The following RGS6 variants were observed in gnomAD, a reference collection of about 807,000 sequenced individuals.
The protein encoded by RGS6 is regulator of G protein signaling 6, also known as regulator of G-protein signaling 6.
Under a neutral mutation model 78.5 loss-of-function variants are expected in RGS6, and 30 were observed. That is an observed-to-expected ratio of 0.38 (90% CI 0.29 to 0.52). The LOEUF is 0.52. RGS6 is among the 20% of genes least tolerant of loss of function. RGS6 has a pLI of 0.85. For missense variants in RGS6, 495 were observed against 609.7 expected, an observed-to-expected ratio of 0.81 and a Z score of 1.98; for synonymous variants, 206 against 206.0, an observed-to-expected ratio of 1.00 and a Z score of 0.00.
intron 2 of RGS6, among the ~76,000 whole-genome samples, chr14:72,158,980 A>G (rs1425038720): frequency 6.6e-6 from 1 of 152,210 alleles, no homozygotes; most frequent in African/African-American, 2.4e-5. Context: ...TAACAATAGC[A>G]TTTACCTCAT....
chr14:72,395,217 G>A (rs1430013355), intron 3 of RGS6, among the ~76,000 whole-genome samples: 1 of 152,064 alleles, frequency 6.6e-6, no homozygotes. Context: ...AAAGTAAAAA[G>A]AAAAGAGTAA....
intron 2 of RGS6, among the ~76,000 whole-genome samples, chr14:72,203,821 C>CTTTTTTT (rs142494669): frequency 9.4e-6 from 1 of 106,742 alleles, no homozygotes; most frequent in Non-Finnish European, 2.0e-5. Flanking sequence ...TTCTTTCTTT[C>CTTTTTTT]TTTTTTTTTT....
At chr14:72,291,989 G>A (rs762856345) in intron 2 of RGS6, among the ~76,000 whole-genome samples, 13 of 152,074 alleles carry the variant, frequency 8.5e-5, no homozygotes, top group Non-Finnish European at 1.6e-4. Context: ...ATGCCAATAC[G>A]TGTTTAAAAA....
intron 17 of RGS6, among the ~76,000 whole-genome samples, chr14:72,547,546 G>T (rs569059337): frequency 6.2e-4 from 94 of 152,346 alleles, no homozygotes; most frequent in African/African-American, 2.1e-3. Flanking sequence ...TAGCCTGTAA[G>T]ATGTTGCCCT....
chr14:72,455,131 T>C (rs991103197), intron 4 of RGS6, among the ~76,000 whole-genome samples: 1 of 147,296 alleles, frequency 6.8e-6, no homozygotes, highest in Admixed American at 7.0e-5. Context: ...TAAAATTTAT[T>C]TTCACAGTGT....
At chr14:72,429,188 C>A (rs1248989230) in intron 3 of RGS6, among the ~76,000 whole-genome samples, 2 of 152,072 alleles carry the variant, frequency 1.3e-5, no homozygotes, top group Admixed American at 6.6e-5. Context: ...GGTGGCAGAG[C>A]AAGACTCTGT....
At chr14:72,046,679 A>G (rs971972787) in intron 2 of RGS6, among the ~76,000 whole-genome samples, 1 of 145,784 alleles carries the variant, frequency 6.9e-6, no homozygotes, top group African/African-American at 2.6e-5. Context: ...TTATTCCTTC[A>G]TCTTAACTCA....
chr14:71,928,615 A>T (rs1401637879), upstream of RGS6, among the ~76,000 whole-genome samples: 1 of 152,216 alleles, frequency 6.6e-6, no homozygotes, highest in African/African-American at 2.4e-5. Context: ...TGTTCAATTT[A>T]TCACCCGTTT....
At chr14:72,382,658 C>T (rs1044345544) in intron 3 of RGS6, among the ~76,000 whole-genome samples, 5 of 152,130 alleles carry the variant, frequency 3.3e-5, no homozygotes, top group African/African-American at 9.7e-5. Context: ...CAGCATTGTT[C>T]GTAGCAGCAA....
intron 1 of RGS6, among the ~76,000 whole-genome samples, chr14:71,941,956 T>A (rs1247546422): frequency 6.6e-6 from 1 of 152,216 alleles, no homozygotes; most frequent in Non-Finnish European, 1.5e-5. Flanking sequence ...CCAAAAAGCC[T>A]GTTTGACTTT....
chr14:72,125,687 AAGGG>A (rs2096173304), intron 2 of RGS6, among the ~76,000 whole-genome samples: 1 of 152,242 alleles, frequency 6.6e-6, no homozygotes, highest in African/African-American at 2.4e-5. Context: ...AGGTAAGAAA[AAGGG>A]AGGTAATTGG....
At chr14:72,620,118 C>A in the RGS6 span, 1 of 821,062 alleles carries the variant, frequency 1.2e-6, no homozygotes. Context: ...CACTTGGAGT[C>A]CTCACTGTCC....
chr14:72,227,244 T>C (rs1476026798), intron 2 of RGS6, among the ~76,000 whole-genome samples: 1 of 152,220 alleles, frequency 6.6e-6, no homozygotes, highest in Non-Finnish European at 1.5e-5. Context: ...AGCACCTTCA[T>C]TCCTTCTTTT....
intron 2 of RGS6, among the ~76,000 whole-genome samples, chr14:72,237,650 G>A (rs958451160): frequency 1.3e-5 from 2 of 152,052 alleles, no homozygotes; most frequent in African/African-American, 2.4e-5. Context: ...CTATTGAGAC[G>A]GGAGAGTTCC....
chr14:72,396,562 G>T (rs1202568968), intron 3 of RGS6, among the ~76,000 whole-genome samples: 1 of 152,074 alleles, frequency 6.6e-6, no homozygotes, highest in Non-Finnish European at 1.5e-5. Flanking sequence ...GATCCCATTT[G>T]TCAATTTTGG....
At chr14:72,230,126 T>C (rs1199664539) in intron 2 of RGS6, among the ~76,000 whole-genome samples, 1 of 152,064 alleles carries the variant, frequency 6.6e-6, no homozygotes, top group Non-Finnish European at 1.5e-5. Context: ...AAGAAAGAGT[T>C]TTTCAAAGGA....
chr14:72,477,809 GA>G lies in RGS6; in HGVS notation c.793-452del, dbSNP rs1046338338. Among the ~76,000 whole-genome samples, 45 of 135,974 alleles carry G rather than the reference GA, an allele frequency of 3.3e-4. 1 individual carries two copies. The highest frequency in any genetic ancestry group is 1.3e-3 in the South Asian group (5 of 3,894). 89.2% of individuals were successfully genotyped at this position (135,974 alleles called of 152,430 possible). On this transcript the variant is annotated intron_variant, in intron 11 of 17. Transcript: ENST00000553525. Reference sequence around the variant, plus strand: ...GAGACTCTGTCTCAAAAAAAAAAAAGAAAAAAAGAAAAAAAAACCACACAGA... The same window carrying G: ...GAGACTCTGTCTCAAAAAAAAAAAAGAAAAAAGAAAAAAAAACCACACAGA...
At chr14:72,443,835 G>A (rs897822266) in intron 3 of RGS6, among the ~76,000 whole-genome samples, 6 of 152,104 alleles carry the variant, frequency 3.9e-5, no homozygotes, top group African/African-American at 9.7e-5. Context: ...CTGCTTATTC[G>A]ATTCTTATTT....
chr14:72,380,125 G>A (rs1156322633), intron 3 of RGS6, among the ~76,000 whole-genome samples: 1 of 151,980 alleles, frequency 6.6e-6, no homozygotes, highest in African/African-American at 2.4e-5. Flanking sequence ...ATATACAGAA[G>A]AATGAAACTA....
Sources: allele counts gnomAD v4.1 joint callset (sites outside exome capture counted in the v4.1 genomes callset), GRCh38; gene constraint gnomAD v4.1.1; transcripts MANE v1.5; gene names NCBI Gene and HGNC (gene_info 2026-07-23, HGNC 2026-07-21).